PACRG: variants seen among roughly 807,000 people sequenced by gnomAD.
The protein encoded by PACRG is parkin coregulated.
PACRG carries 29 observed loss-of-function variants against 29.7 expected under a neutral mutation model. That is an observed-to-expected ratio of 0.98 (90% CI 0.73 to 1.33). The LOEUF is 1.33. PACRG is among the 40% of genes most tolerant of loss of function. The pLI is 0.00. For missense variants in PACRG, 279 were observed against 316.2 expected (o/e 0.88, Z 0.89); for synonymous variants, 116 against 118.7 (o/e 0.98, Z 0.15).
intron 4 of PACRG, among the ~76,000 whole-genome samples, chr6:163,185,272 C>T (rs1359425): frequency 0.33 from 50,703 of 151,846 alleles, 9,576 homozygotes; most frequent in Middle Eastern, 0.46. Flanking sequence ...TTGGCCAAAA[C>T]AAGCCTGGAT....
chr6:162,843,639 G>A (rs1176309701), intron 2 of PACRG, among the ~76,000 whole-genome samples: 212 of 135,224 alleles, frequency 1.6e-3, no homozygotes, highest in African/African-American at 5.4e-3. Context: ...CGTTGCTGGT[G>A]AGGAACTGCG....
chr6:163,205,460 A>G (rs1780865115), intron 4 of PACRG, among the ~76,000 whole-genome samples: 1 of 152,276 alleles, frequency 6.6e-6, no homozygotes, highest in Non-Finnish European at 1.5e-5. Context: ...AGCAATAGGG[A>G]AAGGACTCCC....
chr6:162,951,476 A>G (rs1188929007), intron 2 of PACRG, among the ~76,000 whole-genome samples: 12 of 152,126 alleles, frequency 7.9e-5, no homozygotes, highest in African/African-American at 2.9e-4. Context: ...GTTGGCGGGG[A>G]GGGATTCTCA....
At chr6:163,087,637 G>C (rs1442049290) in intron 3 of PACRG, among the ~76,000 whole-genome samples, 1 of 151,234 alleles carries the variant, frequency 6.6e-6, no homozygotes, top group Admixed American at 6.6e-5. Flanking sequence ...AAGAGGTGAG[G>C]ATGGAGAGTG....
At chr6:162,743,918 C>T (rs1455455339) in intron 1 of PACRG, among the ~76,000 whole-genome samples, 1 of 152,096 alleles carries the variant, frequency 6.6e-6, no homozygotes, top group Non-Finnish European at 1.5e-5. Context: ...TAGAAATTTG[C>T]CTATTCTAGA....
intron 2 of PACRG, among the ~76,000 whole-genome samples, chr6:163,012,674 C>A (rs1022487349): frequency 6.6e-6 from 1 of 152,228 alleles, no homozygotes; most frequent in African/African-American, 2.4e-5. Context: ...AACCTATTTA[C>A]ACCCTATAAT....
intron 2 of PACRG, among the ~76,000 whole-genome samples, chr6:162,888,541 C>T (rs1284394686): frequency 6.6e-6 from 1 of 152,180 alleles, no homozygotes; most frequent in African/African-American, 2.4e-5. Context: ...TGGACTCTCT[C>T]TCCCTGGGTT....
At chr6:162,960,742 A>T (rs1800542595) in intron 2 of PACRG, among the ~76,000 whole-genome samples, 1 of 152,230 alleles carries the variant, frequency 6.6e-6, no homozygotes, top group Non-Finnish European at 1.5e-5. Context: ...AATTAAAATA[A>T]AAGAGAGGGC....
intron 4 of PACRG, among the ~76,000 whole-genome samples, chr6:163,246,222 C>T (rs555625657): frequency 1.3e-4 from 20 of 152,304 alleles, no homozygotes; most frequent in African/African-American, 4.8e-4. Context: ...ATGTATCTCC[C>T]TGACCCCATC....
At chr6:163,258,540 G>A (rs1358714413) in intron 4 of PACRG, among the ~76,000 whole-genome samples, 1 of 152,068 alleles carries the variant, frequency 6.6e-6, no homozygotes, top group African/African-American at 2.4e-5. Flanking sequence ...AGCAGATCAC[G>A]AGGTCAGGAG....
At chr6:163,309,658 C>G (rs1327961828) in intron 4 of PACRG, among the ~76,000 whole-genome samples, 1 of 152,138 alleles carries the variant, frequency 6.6e-6, no homozygotes, top group East Asian at 1.9e-4. Flanking sequence ...TGGAGTTTCC[C>G]AAGTTAGTGT....
At chr6:162,858,582 A>G (rs1464675675) in intron 2 of PACRG, among the ~76,000 whole-genome samples, 1 of 152,214 alleles carries the variant, frequency 6.6e-6, no homozygotes, top group African/African-American at 2.4e-5. Flanking sequence ...AAAACATCAC[A>G]TTTATTTAAT....
At chr6:162,783,890 A>G (rs1374718253) in intron 1 of PACRG, among the ~76,000 whole-genome samples, 1 of 152,118 alleles carries the variant, frequency 6.6e-6, no homozygotes, top group Admixed American at 6.5e-5. Flanking sequence ...CAACTGGTTA[A>G]CAGAAAACTT....
At chr6:162,735,664 A>T (rs1780110759) in intron 1 of PACRG, among the ~76,000 whole-genome samples, 1 of 152,074 alleles carries the variant, frequency 6.6e-6, no homozygotes, top group Admixed American at 6.6e-5. Context: ...CTAGTATTGT[A>T]TGTATTGCAA....
At chr6:163,129,273 T>A (rs1450258996) in intron 4 of PACRG, among the ~76,000 whole-genome samples, 1 of 152,218 alleles carries the variant, frequency 6.6e-6, no homozygotes, top group African/African-American at 2.4e-5. Context: ...TGCTTTGATA[T>A]TATGTCAATG....
At chr6:163,011,697 A>G (rs139307993) in intron 2 of PACRG, among the ~76,000 whole-genome samples, 7 of 152,250 alleles carry the variant, frequency 4.6e-5, no homozygotes, top group Middle Eastern at 3.4e-3. Context: ...TTAACTTTTG[A>G]CTCTTTAGTA....
intron 2 of PACRG, among the ~76,000 whole-genome samples, chr6:162,960,951 T>C (rs1332200456): frequency 6.6e-6 from 1 of 152,254 alleles, no homozygotes; most frequent in Non-Finnish European, 1.5e-5. Flanking sequence ...GTTAAGACTG[T>C]AATGCGTTAA....
At chr6:163,050,018 T>G (rs566254850) in intron 2 of PACRG, among the ~76,000 whole-genome samples, 39 of 152,272 alleles carry the variant, frequency 2.6e-4, no homozygotes, top group African/African-American at 9.1e-4. Flanking sequence ...GTTCACTTTA[T>G]AAACTAATTC....
At chr6:163,101,197 C>A (rs1275335914) in intron 4 of PACRG, 1 of 983,176 alleles carries the variant, frequency 1.0e-6, no homozygotes, top group South Asian at 4.7e-5. Flanking sequence ...AAGTTCATTT[C>A]TTGAAAGTAT....
Sources: gnomAD v4.1 joint callset for allele counts (sites outside exome capture counted in the v4.1 genomes callset) on GRCh38, gnomAD v4.1.1 for gene constraint, MANE v1.5 for transcripts, NCBI Gene and HGNC (gene_info 2026-07-23, HGNC 2026-07-21) for gene names.